The following GRAMD1B variants were observed in gnomAD, a reference collection of about 807,000 sequenced individuals.
The protein encoded by GRAMD1B is GRAM domain containing 1B, also known as protein Aster-B.
GRAMD1B carries 37 observed loss-of-function variants against 99.7 expected under a neutral mutation model. The ratio of observed to expected loss-of-function variants is 0.37; its 90% CI spans 0.29 to 0.49. The LOEUF is 0.49. GRAMD1B is among the 20% of genes least tolerant of loss of function. The pLI, the probability that GRAMD1B is intolerant of heterozygous loss-of-function variation, is 0.98. For missense variants in GRAMD1B, 888 were observed against 1,009.2 expected (o/e 0.88, Z 1.63); for synonymous variants, 427 against 387.6 (o/e 1.10, Z -1.19).
intron 2 of GRAMD1B, among the ~76,000 whole-genome samples, chr11:123,503,821 A>G (rs1206275685): frequency 2.0e-5 from 3 of 152,190 alleles, no homozygotes; most frequent in African/African-American, 4.8e-5. Context: ...TGCTGGGATT[A>G]TAGATGTTAG....
At chr11:123,491,111 T>C (rs955645548) in intron 2 of GRAMD1B, among the ~76,000 whole-genome samples, 1 of 152,092 alleles carries the variant, frequency 6.6e-6, no homozygotes, top group African/African-American at 2.4e-5. Context: ...GGTGGGTGGA[T>C]CACCTGAGGT....
intron 17 of GRAMD1B, among the ~76,000 whole-genome samples, chr11:123,616,791 A>G (rs2137073196): frequency 6.6e-6 from 1 of 152,344 alleles, no homozygotes; most frequent in African/African-American, 2.4e-5. Context: ...GTATCCCTTG[A>G]CCTTCACTTA....
rs553676297 is a variant in GRAMD1B at position 123,549,034 on chromosome 11, A to G, written c.453-28333A>G. ...GCTGTTCTTCTCTGAAGAGGCAGGA[A>G]GATGCTGGGGAAGGGAGAGGAGAGG... On this transcript the variant is annotated intron_variant, in intron 2 of 19. Transcript: ENST00000635736. Among the ~76,000 whole-genome samples the G allele has an allele frequency of 3.9e-5, 6 of 152,322 alleles. No individual in the cohort carries two copies. In the South Asian group the frequency reaches 1.2e-3, roughly 32 times the overall value.
In GRAMD1B at chr11:123,623,183, A is replaced by G. The variant is rs1366992936; in HGVS notation, c.*588A>G. On this transcript the variant is annotated 3_prime_UTR_variant, in exon 20 of 20. Transcript: ENST00000635736. ...TGTCAGATGGAGAGGATGCTTGGAA[A>G]GCTAGGAAGGCTGCATTGTGTGGTG... 6.6e-6 allele frequency: 1 copy of G among 152,126 alleles called. No individual in the cohort carries two copies. Among genetic ancestry groups the G allele is most frequent in the East Asian group, 1.9e-4 (1 of 5,196 alleles). The allele number at this position is 152,126 out of a possible 1,614,324, so 9.4% of individuals were successfully genotyped here.
chr11:123,519,511 A>G (rs1591795569), intron 2 of GRAMD1B, among the ~76,000 whole-genome samples: 1 of 152,246 alleles, frequency 6.6e-6, no homozygotes, highest in South Asian at 2.1e-4. Context: ...TGACCTCCAA[A>G]ATGCTCCTTA....
chr11:123,463,064 G>A (rs1156982114), intron 1 of GRAMD1B, among the ~76,000 whole-genome samples: 2 of 151,996 alleles, frequency 1.3e-5, no homozygotes, highest in Non-Finnish European at 1.5e-5. Flanking sequence ...GCTGGAGTGC[G>A]ATGGCGCGAT....
intron 1 of GRAMD1B, among the ~76,000 whole-genome samples, chr11:123,469,723 C>CT (rs901354333): frequency 2.7e-5 from 4 of 149,248 alleles, no homozygotes; most frequent in Non-Finnish European, 4.4e-5. Context: ...TTCTTTCTTT[C>CT]TTTTTTTCTT....
intron 1 of GRAMD1B, among the ~76,000 whole-genome samples, chr11:123,462,757 G>C (rs1245522303): frequency 6.6e-6 from 1 of 151,554 alleles, no homozygotes; most frequent in East Asian, 1.9e-4. Flanking sequence ...AAGGCCGCAG[G>C]GTCCTCTGCC....
intron 1 of GRAMD1B, among the ~76,000 whole-genome samples, chr11:123,455,271 A>G (rs1950064853): frequency 6.6e-6 from 1 of 152,206 alleles, no homozygotes; most frequent in African/African-American, 2.4e-5. Context: ...AGATTTCACT[A>G]GAATTTATTT....
rs201007521 is a variant in GRAMD1B at position 123,554,916 on chromosome 11, G to A, written c.453-22451G>A. 7.9e-5 allele frequency among the ~76,000 whole-genome samples: 12 copies of A among 152,302 alleles called. No homozygotes were observed. In the East Asian group the frequency reaches 2.1e-3, roughly 27 times the overall value. On this transcript the variant is annotated intron_variant, in intron 2 of 19. Transcript: ENST00000635736. Reference sequence around the variant, plus strand: ...TAAAATTCAGAACTTATTGGAGAGGGTGTGGCCATTGCCCAGTGTATGGCA... The same window carrying A: ...TAAAATTCAGAACTTATTGGAGAGGATGTGGCCATTGCCCAGTGTATGGCA...
At chr11:123,507,494 G>A (rs1055966748) in intron 2 of GRAMD1B, among the ~76,000 whole-genome samples, 3 of 152,118 alleles carry the variant, frequency 2.0e-5, no homozygotes, top group Non-Finnish European at 2.9e-5. Flanking sequence ...GTGTTGAATT[G>A]TTTATTGTGG....
At chr11:123,615,930 T>C (rs1954312886) in intron 17 of GRAMD1B, among the ~76,000 whole-genome samples, 1 of 152,164 alleles carries the variant, frequency 6.6e-6, no homozygotes, top group African/African-American at 2.4e-5. Context: ...AAACATAAGG[T>C]GGACTCTTTC....
chr11:123,596,063 T>G, intron 7 of GRAMD1B, 26 bp downstream of exon 7: 1 of 1,246,714 alleles, frequency 8.0e-7, no homozygotes, highest in Non-Finnish European at 1.2e-6. Flanking sequence ...CTCTGGCCTT[T>G]CTAATCCTCC....
intron 2 of GRAMD1B, among the ~76,000 whole-genome samples, chr11:123,511,723 T>C (rs778755337): frequency 2.2e-4 from 34 of 152,136 alleles, no homozygotes; most frequent in Non-Finnish European, 2.8e-4. Flanking sequence ...AGGTTGGGTA[T>C]CCTGTGTTGT....
chr11:123,509,789 C>T (rs1334966087), intron 2 of GRAMD1B: 1 of 152,344 alleles, frequency 6.6e-6, no homozygotes. Context: ...GTAGTCACTG[C>T]AAGCGAGCGG....
intron 1 of GRAMD1B, among the ~76,000 whole-genome samples, chr11:123,368,979 A>G (rs1014242349): frequency 6.8e-6 from 1 of 146,656 alleles, no homozygotes; most frequent in Admixed American, 6.7e-5. Flanking sequence ...AGGGGAAGAA[A>G]GAAAAAAAAT....
At chr11:123,594,965 T>C in intron 6 of GRAMD1B, 127 bp downstream of exon 6, 1 of 645,530 alleles carries the variant, frequency 1.5e-6, no homozygotes, top group Non-Finnish European at 2.8e-6. Context: ...AAAGCATGCC[T>C]GAGTCTTGAA....
chr11:123,506,435 G>A (rs938271417), intron 2 of GRAMD1B, among the ~76,000 whole-genome samples: 1 of 151,522 alleles, frequency 6.6e-6, no homozygotes, highest in Non-Finnish European at 1.5e-5. Flanking sequence ...TAGTGTATAA[G>A]TACAGTGATT....
At chr11:123,373,805 A>C (rs531185575) in intron 1 of GRAMD1B, among the ~76,000 whole-genome samples, 11 of 152,222 alleles carry the variant, frequency 7.2e-5, no homozygotes, top group Non-Finnish European at 1.3e-4. Context: ...AACCCTAAAC[A>C]AAATCAGATA....
Sources: gnomAD v4.1 joint callset for allele counts (sites outside exome capture counted in the v4.1 genomes callset) on GRCh38, gnomAD v4.1.1 for gene constraint, MANE v1.5 for transcripts, NCBI Gene and HGNC (gene_info 2026-07-23, HGNC 2026-07-21) for gene names.